The following GAS6 variants were observed in gnomAD, a reference collection of about 807,000 sequenced individuals.
The protein encoded by GAS6 is growth arrest specific 6.
GAS6 carries 41 observed loss-of-function variants against 75.8 expected under a neutral mutation model. The ratio of observed to expected loss-of-function variants is 0.54; its 90% CI spans 0.42 to 0.70. GAS6 has a LOEUF of 0.70. Among genes scored for constraint, GAS6 ranks in the 30% least tolerant of loss-of-function variants. GAS6 has a pLI of 0.00. For synonymous variants in GAS6, 432 were observed against 412.6 expected (o/e 1.05, Z -0.57); for missense variants, 854 against 940.2 (o/e 0.91, Z 1.20).
chr13:113,820,828 A>G lies in GAS6; in HGVS notation c.*36T>C, dbSNP rs1382592443. 5.6e-6 allele frequency: 9 copies of G among 1,597,648 alleles called. No individual in the cohort carries two copies. The highest frequency in any genetic ancestry group is 6.8e-6 in the Non-Finnish European group (8 of 1,175,142). ...CCCAGGCTCCTCCCGGCTGTCTCGGACAGAGACTGAGAAGCCTGCCGCGTC... is the reference window on the plus strand; with the variant it reads ...CCCAGGCTCCTCCCGGCTGTCTCGGGCAGAGACTGAGAAGCCTGCCGCGTC... On this transcript the variant is annotated 3_prime_UTR_variant, in exon 15 of 15. Coordinates refer to ENST00000327773, the MANE Select transcript of GAS6 (RefSeq NM_000820.4).
At chr13:113,830,168 C>T (rs560018998) in intron 10 of GAS6, among the ~76,000 whole-genome samples, 3 of 152,262 alleles carry the variant, frequency 2.0e-5, no homozygotes, top group Admixed American at 6.5e-5. Flanking sequence ...TGTGAAAACA[C>T]CTTTCAGGTA....
intron 10 of GAS6, among the ~76,000 whole-genome samples, chr13:113,831,508 C>T (rs1594194399): frequency 6.6e-6 from 1 of 152,092 alleles, no homozygotes; most frequent in Non-Finnish European, 1.5e-5. Context: ...GCAGCCCTGG[C>T]TTCTGTTCCC....
intron 12 of GAS6, among the ~76,000 whole-genome samples, chr13:113,824,416 A>AGCTGTCAGGAGCACG (rs1566352870): frequency 1.3e-5 from 1 of 77,988 alleles, no homozygotes; most frequent in African/African-American, 5.4e-5. Flanking sequence ...TCAGGAGCAC[A>AGCTGTCAGGAGCACG]TGCGGTCTGG....
In GAS6 at chr13:113,832,672, G is replaced by T. The variant is rs542438763; in HGVS notation, c.915C>A (p.Pro305=). The change falls in exon 9 of 15, where the codon CCC becomes CCA. Residue 305 remains proline (P), a synonymous_variant. Coordinates refer to ENST00000327773, the MANE Select transcript of GAS6 (RefSeq NM_000820.4). ...GCCTCTTGAAGCGCAGTCGGATCAC[G>T]GGGGTCCCACTGAACATCCGGCCCA... The part of the protein sequence containing the change: ...LYLGRMFSGT[P]VIRLRFKRLQ... The T allele has an allele frequency of 6.2e-7, 1 of 1,612,756 alleles. No homozygotes were observed. Among genetic ancestry groups the T allele is most frequent in the Non-Finnish European group, 8.5e-7 (1 of 1,179,966 alleles).
intron 8 of GAS6, chr13:113,833,125 G>T: frequency 8.5e-7 from 1 of 1,170,976 alleles, no homozygotes; most frequent in Non-Finnish European, 1.1e-6. Context: ...GGCTGTCCTG[G>T]AAAGTTCCCT....
At chr13:113,847,054 G>A (rs746364843) in intron 3 of GAS6, 14 of 499,278 alleles carry the variant, frequency 2.8e-5, no homozygotes, top group East Asian at 5.7e-5. Context: ...CTAGGGCGGC[G>A]GGGGGAGGCG....
intron 4 of GAS6, chr13:113,841,276 G>C (rs1350994779): frequency 6.6e-6 from 1 of 152,524 alleles, no homozygotes; most frequent in East Asian, 1.9e-4. Flanking sequence ...GGCCGGCACA[G>C]ACACAGCCCC....
At chr13:113,821,810 C>T (rs568552734) in intron 14 of GAS6, 148 bp downstream of exon 14, 2 of 638,508 alleles carry the variant, frequency 3.1e-6, no homozygotes, top group African/African-American at 1.8e-5. Flanking sequence ...ACTAACGACC[C>T]ACCTGGACTT....
At position 113,834,505 on chromosome 13, in the gene GAS6, C is replaced by A. The variant is rs975767058; in HGVS notation, c.834+46G>T. On this transcript the variant is annotated intron_variant, in intron 8 of 14. Coordinates refer to ENST00000327773, the MANE Select transcript of GAS6 (RefSeq NM_000820.4). ...TCCCGAAAGCCCCCACCGGCGAGGGCCCCCGGAACCACCGTGAAGGGCCCG... is the reference window on the plus strand; with the variant it reads ...TCCCGAAAGCCCCCACCGGCGAGGGACCCCGGAACCACCGTGAAGGGCCCG... 3.4e-6 allele frequency: 5 copies of A among 1,451,422 alleles called. No homozygotes were observed. In the African/African-American group the frequency reaches 5.7e-5, roughly 17 times the overall value. 89.9% of individuals were successfully genotyped at this position (1,451,422 alleles called of 1,614,324 possible). A position where few individuals can be genotyped will look rare whatever the true frequency, so the allele number is the denominator to read the frequency against.
chr13:113,840,087 C>A, intron 4 of GAS6: 1 of 545,090 alleles, frequency 1.8e-6, no homozygotes. Context: ...GGAGGGAGTG[C>A]CAGCAGGCCT....
chr13:113,838,743 G>A (rs1183997712), intron 5 of GAS6, among the ~76,000 whole-genome samples: 1 of 146,256 alleles, frequency 6.8e-6, no homozygotes, highest in Non-Finnish European at 1.5e-5. Context: ...AAGGAGCCGG[G>A]GGGGTGCACA....
At chr13:113,858,998 G>A (rs114946018) in intron 2 of GAS6, among the ~76,000 whole-genome samples, 2,456 of 151,406 alleles carry the variant, frequency 0.016, 74 homozygotes, top group African/African-American at 0.057. Context: ...GTGCATGTAT[G>A]TATACATGTC....
At chr13:113,842,010 TCA>T (rs200300582) in intron 4 of GAS6, 2,269 of 89,548 alleles carry the variant, frequency 0.025, 220 homozygotes, top group African/African-American at 0.089. Context: ...TCCATATGCC[TCA>T]GTTTCCTCCA....
intron 3 of GAS6, chr13:113,846,823 C>G (rs867881992): frequency 1.8e-6 from 1 of 557,652 alleles, no homozygotes; most frequent in African/African-American, 1.9e-5. Context: ...CAGTCAAGTG[C>G]GTAAAGCACC....
chr13:113,834,629 C>T lies in GAS6; in HGVS notation c.756G>A (p.Val252=), dbSNP rs1433324293. 3.7e-6 allele frequency: 6 copies of T among 1,607,288 alleles called. No individual in the cohort carries two copies. The highest frequency in any genetic ancestry group is 5.1e-6 in the Non-Finnish European group (6 of 1,177,308). ...GGCAGGTGTAGCTCCCTGGGGAGTT[C>T]ACGCAGACCTGCTCACAGCGGCCCT... ...CLQGRCEQVC[V]NSPGSYTCHC... Residue 252 remains valine, a synonymous_variant, in exon 8 of 15, where the codon GTG becomes GTA. Transcript: ENST00000327773.
In GAS6 at chr13:113,838,209, C is replaced by A. The variant is rs749048529; in HGVS notation, c.467-18G>T. 2 of 1,611,594 alleles carry A rather than the reference C, an allele frequency of 1.2e-6. No homozygotes were observed. The highest frequency in any genetic ancestry group is 4.5e-5 in the East Asian group (2 of 44,868). ...GTTGACATCTGGGAACAAGCACAGGCCTGAAGGGGAGCCCAAGGGTGCACA... is the reference window on the plus strand; with the variant it reads ...GTTGACATCTGGGAACAAGCACAGGACTGAAGGGGAGCCCAAGGGTGCACA... On this transcript the variant is annotated intron_variant, in intron 5 of 14. Transcript: ENST00000327773.
chr13:113,827,230 C>A (rs532062302), intron 11 of GAS6, 66 bp from the exon 12 acceptor site: 2 of 1,544,602 alleles, frequency 1.3e-6, no homozygotes, highest in Non-Finnish European at 1.8e-6. Context: ...ATGCCCCAGT[C>A]GGTGGGTGGC....
intron 12 of GAS6, among the ~76,000 whole-genome samples, chr13:113,826,143 AC>A (rs1220003022): frequency 6.6e-6 from 1 of 152,186 alleles, no homozygotes; most frequent in Non-Finnish European, 1.5e-5. Flanking sequence ...GCGTGGCGTC[AC>A]AGGACTGGGC....
At chr13:113,838,379 C>G (rs1384229852) in intron 5 of GAS6, 188 bp from the exon 6 acceptor site, 11 of 642,900 alleles carry the variant, frequency 1.7e-5, no homozygotes, top group Non-Finnish European at 2.9e-5. Flanking sequence ...GGAGGGAGAC[C>G]AGGGGTCACA....
Sources: gnomAD v4.1 joint callset for allele counts (sites outside exome capture counted in the v4.1 genomes callset) on GRCh38, gnomAD v4.1.1 for gene constraint, MANE v1.5 for transcripts, NCBI Gene and HGNC (gene_info 2026-07-23, HGNC 2026-07-21) for gene names.